PDZD2: variants seen among roughly 807,000 people sequenced by gnomAD.
The protein encoded by PDZD2 is PDZ domain containing 2, also known as PDZ domain-containing protein 2.
Under a neutral mutation model 220.7 loss-of-function variants are expected in PDZD2, and 90 were observed. The ratio of observed to expected loss-of-function variants is 0.41; its 90% confidence interval spans 0.34 to 0.49. The LOEUF is 0.49. Among genes scored for constraint, PDZD2 ranks in the 20% least tolerant of loss-of-function variants. PDZD2 has a pLI of 0.28. For missense variants in PDZD2, 3,174 were observed against 3,608.5 expected, an observed-to-expected ratio of 0.88 and a Z score of 3.08; for synonymous variants, 1,375 against 1,450.5, an observed-to-expected ratio of 0.95 and a Z score of 1.18.
intron 1 of PDZD2, among the ~76,000 whole-genome samples, chr5:31,645,237 G>T (rs1745090560): frequency 6.6e-6 from 1 of 152,040 alleles, no homozygotes; most frequent in South Asian, 2.1e-4. Flanking sequence ...GGCGTCCATG[G>T]CATATTTGGC....
intron 7 of PDZD2, among the ~76,000 whole-genome samples, chr5:32,037,900 G>C (rs1386733854): frequency 1.3e-5 from 2 of 151,430 alleles, no homozygotes; most frequent in East Asian, 2.0e-4. Context: ...AAAGTGCAGT[G>C]GCATGATCTC....
chr5:31,871,947 T>G (rs35722285), intron 2 of PDZD2, among the ~76,000 whole-genome samples: 2,567 of 152,198 alleles, frequency 0.017, 22 homozygotes, highest in Non-Finnish European at 0.026. Context: ...CTCCTCGGTC[T>G]CCTAAAGTGT....
At chr5:31,667,805 C>T (rs1746051827) in intron 1 of PDZD2, among the ~76,000 whole-genome samples, 1 of 149,106 alleles carries the variant, frequency 6.7e-6, no homozygotes, top group African/African-American at 2.5e-5. Context: ...GGGCCCTGCT[C>T]AGGAAGGTAG....
At chr5:31,808,936 A>G (rs371702415) in intron 2 of PDZD2, among the ~76,000 whole-genome samples, 62 of 151,940 alleles carry the variant, frequency 4.1e-4, no homozygotes, top group African/African-American at 1.4e-3. Context: ...CCGAGATCAC[A>G]CCACTGCACT....
intron 2 of PDZD2, among the ~76,000 whole-genome samples, chr5:31,860,065 C>G (rs1260853579): frequency 6.6e-6 from 1 of 152,106 alleles, no homozygotes; most frequent in African/African-American, 2.4e-5. Flanking sequence ...AAGAGAAATC[C>G]CCTACACTGA....
chr5:31,957,417 C>G (rs566353502), intron 2 of PDZD2, among the ~76,000 whole-genome samples: 1 of 152,260 alleles, frequency 6.6e-6, no homozygotes, highest in South Asian at 2.1e-4. Flanking sequence ...ACGGGGCTGA[C>G]CAGGGTAACA....
At position 32,025,432 on chromosome 5, in the gene PDZD2, G is replaced by A. The variant is rs558220464; in HGVS notation, c.1408-11799G>A. Among the ~76,000 whole-genome samples the A allele has an allele frequency of 1.3e-3, 195 of 151,768 alleles. 1 individual carries two copies. The highest frequency in any genetic ancestry group is 4.5e-3 in the African/African-American group (185 of 41,424). ...CCCAGCTACATGGGAGGCTGAGGCA[G>A]GAGAATCACTTGAACCCGGGAGGTG... is the stretch of plus-strand genomic sequence containing the variant. On this transcript the variant is annotated intron_variant, in intron 6 of 24. Coordinates refer to ENST00000438447, the MANE Select transcript of PDZD2 (RefSeq NM_178140.4).
At chr5:31,784,140 C>T (rs530446408) in intron 1 of PDZD2, among the ~76,000 whole-genome samples, 55 of 152,132 alleles carry the variant, frequency 3.6e-4, no homozygotes, top group Non-Finnish European at 7.2e-4. Context: ...GACTTTAGTT[C>T]TGTCCCTCCC....
At chr5:31,919,949 C>A (rs577326191) in intron 2 of PDZD2, among the ~76,000 whole-genome samples, 2 of 151,800 alleles carry the variant, frequency 1.3e-5, no homozygotes, top group African/African-American at 4.8e-5. Context: ...GAGCCAAGGT[C>A]TTTGAGGCTG....
At chr5:31,670,840 G>A (rs1302335346) in intron 1 of PDZD2, among the ~76,000 whole-genome samples, 1 of 152,126 alleles carries the variant, frequency 6.6e-6, no homozygotes, top group Non-Finnish European at 1.5e-5. Context: ...GACAAAGGGT[G>A]TGCTCATGAG....
At chr5:31,932,385 C>T (rs1429213491) in intron 2 of PDZD2, among the ~76,000 whole-genome samples, 2 of 152,034 alleles carry the variant, frequency 1.3e-5, no homozygotes, top group Non-Finnish European at 2.9e-5. Flanking sequence ...TCCGTCTCTA[C>T]TAAAAATACA....
At position 31,646,381 on chromosome 5, in the gene PDZD2, A is replaced by AC. The variant is rs143270395; in HGVS notation, c.-361+6948dup. Among the ~76,000 whole-genome samples, 4,510 of 152,022 alleles carry AC rather than the reference A, an allele frequency of 0.03. 78 individuals carry two copies. The highest frequency in any genetic ancestry group is 0.058 in the South Asian group (280 of 4,806). ...CACCACAAATGTCTTCAGGAACCTG[A>AC]CCCCTCCACGTCATGAACACTAAGT... On this transcript the variant is annotated intron_variant, in intron 1 of 24. Transcript: ENST00000438447. This position sits in a 1 kb window ranked among gnomAD's most constrained non-coding sequence, Gnocchi z 4.7.
chr5:31,700,811 C>A (rs1747574336), intron 1 of PDZD2, among the ~76,000 whole-genome samples: 1 of 152,302 alleles, frequency 6.6e-6, no homozygotes, highest in Admixed American at 6.5e-5. Context: ...GGTCCCACAT[C>A]CCAGGAAACC....
At chr5:31,681,037 C>T (rs1746633408) in intron 1 of PDZD2, among the ~76,000 whole-genome samples, 1 of 152,066 alleles carries the variant, frequency 6.6e-6, no homozygotes, top group African/African-American at 2.4e-5. Flanking sequence ...GTCCTCAAGT[C>T]AACACCTGTA....
intron 2 of PDZD2, among the ~76,000 whole-genome samples, chr5:31,951,986 TTCTC>T (rs1280463125): frequency 3.9e-5 from 6 of 152,372 alleles, no homozygotes; most frequent in Admixed American, 3.9e-4. Context: ...CAGATCTTAT[TTCTC>T]TCTCTCATTA....
At chr5:31,923,591 T>C (rs1744482718) in intron 2 of PDZD2, 1 of 774,654 alleles carries the variant, frequency 1.3e-6, no homozygotes. Context: ...GAAAGATGTG[T>C]GCTCTGGCTC....
At chr5:31,839,000 C>G (rs549747775) in intron 2 of PDZD2, among the ~76,000 whole-genome samples, 2 of 152,196 alleles carry the variant, frequency 1.3e-5, no homozygotes, top group African/African-American at 2.4e-5. Context: ...CCCTCCAGAT[C>G]ATCTGTCCTG....
intron 2 of PDZD2, chr5:31,840,399 T>C (rs1275982684): frequency 2.9e-4 from 1 of 3,474 alleles, no homozygotes; most frequent in African/African-American, 1.0e-3. Context: ...ATTTTCATTA[T>C]ATATATATAT....
At chr5:31,653,155 A>G (rs1745415295) in intron 1 of PDZD2, among the ~76,000 whole-genome samples, 1 of 152,186 alleles carries the variant, frequency 6.6e-6, no homozygotes, top group Admixed American at 6.5e-5. Context: ...ATCTGGAGCC[A>G]TGTAACACTG....
Sources: gnomAD v4.1 joint callset for allele counts (sites outside exome capture counted in the v4.1 genomes callset) on GRCh38, gnomAD v4.1.1 for gene constraint, Gnocchi (gnomAD v3.1) non-coding constraint, MANE v1.5 for transcripts, NCBI Gene and HGNC (gene_info 2026-07-23, HGNC 2026-07-21) for gene names.